Variants in C15orf39 observed in about 807,000 individuals in gnomAD.
C15orf39 encodes uncharacterized protein C15orf39.
C15orf39 carries 24 observed loss-of-function variants against 53.9 expected under a neutral mutation model. The observed-to-expected ratio is 0.45, with a 90% CI of 0.32 to 0.63. C15orf39 has a LOEUF of 0.63. C15orf39 is among the 20% of genes least tolerant of loss of function. The probability of loss-of-function intolerance (pLI) is 0.04; values close to 1 mark genes in which losing one functional copy is unlikely to be tolerated. For synonymous variants in C15orf39, 569 were observed against 576.5 expected (o/e 0.99, Z 0.19); for missense variants, 1,271 against 1,347.9 (o/e 0.94, Z 0.89).
rs774856280 is a variant in C15orf39 at position 75,206,186 on chromosome 15, C to T, written c.138C>T (p.Ser46=). ...GNQDPCTYKG[S]YFSCPMAGTP... Reference sequence around the variant, plus strand: ...AGGATCCCTGCACCTACAAGGGGTCCTACTTCTCCTGCCCCATGGCAGGTA... The same window carrying T: ...AGGATCCCTGCACCTACAAGGGGTCTTACTTCTCCTGCCCCATGGCAGGTA... Residue 46 remains serine (S), a synonymous_variant, in exon 2 of 3, where the codon TCC becomes TCT. Transcript: ENST00000394987. 29 of 1,613,978 alleles carry T rather than the reference C, an allele frequency of 1.8e-5. No homozygotes were observed. The highest frequency in any genetic ancestry group is 2.2e-5 in the Non-Finnish European group (26 of 1,179,964).
At position 75,210,971 on chromosome 15, in the gene C15orf39, C is replaced by T; in HGVS notation, c.2999C>T (p.Pro1000Leu). 1 of 1,613,354 alleles carries T rather than the reference C, an allele frequency of 6.2e-7. No individual in the cohort carries two copies. Among genetic ancestry groups the T allele is most frequent in the East Asian group, 2.2e-5 (1 of 44,884 alleles). The change falls in exon 3 of 3, where the codon CCC becomes CTC. Residue 1000 changes from proline (P) to leucine (L), a missense_variant. Physicochemically the swap from Pro to Leu is moderately conservative, Grantham distance 98. Around this residue, in one of 2 missense-constraint regions of C15orf39, gnomAD observed 277 missense variants for 354.1 expected, o/e 0.78. Coordinates refer to ENST00000394987, the MANE Select transcript of C15orf39 (RefSeq NM_015492.5). The stretch of plus-strand genomic sequence containing the variant: ...GCTACCAGTGCCAGCCCACCTGGCC[C>T]CACACTGAAGGCCCGCTTCCGCAGT... ...TPATSASPPG[P>L]TLKARFRSLL...
At position 75,206,183 on chromosome 15, in the gene C15orf39, G is replaced by A; in HGVS notation, c.135G>A (p.Gly45=). 3.1e-6 allele frequency: 5 copies of A among 1,614,086 alleles called. No individual in the cohort carries two copies. Among genetic ancestry groups the A allele is most frequent in the Non-Finnish European group, 4.2e-6 (5 of 1,179,982 alleles). The part of the protein sequence containing the change: ...VGNQDPCTYK[G]SYFSCPMAGT... ...ACCAGGATCCCTGCACCTACAAGGG[G>A]TCCTACTTCTCCTGCCCCATGGCAG... The change falls in exon 2 of 3, where the codon GGG becomes GGA. Residue 45 remains glycine, a synonymous_variant. Coordinates refer to ENST00000394987, the MANE Select transcript of C15orf39 (RefSeq NM_015492.5).
Position 75,210,760 on chromosome 15 carries a change from A to G in C15orf39, c.2788A>G (p.Thr930Ala). 1 of 1,601,148 alleles carries G rather than the reference A, an allele frequency of 6.2e-7. No individual in the cohort carries two copies. The highest frequency in any genetic ancestry group is 8.5e-7 in the Non-Finnish European group (1 of 1,170,114). The part of the protein sequence containing the change: ...CVRRQLGDFD[T>A]EAGAVSSSEP... The stretch of plus-strand genomic sequence containing the variant: ...TGTTCGTTTTCCAGGTGACTTTGAC[A>G]CTGAGGCTGGAGCTGTGTCCTCCTC... Residue 930 changes from threonine to alanine, a missense_variant, in exon 3 of 3, where the codon ACT becomes GCT. By Grantham distance (58) the Thr-to-Ala change is moderately conservative (BLOSUM62 0). Transcript: ENST00000394987.
Position 75,206,761 on chromosome 15 carries a change from C to A in C15orf39, c.713C>A (p.Ser238Tyr), listed in dbSNP as rs2070441729. Residue 238 changes from serine to tyrosine, a missense_variant, in exon 2 of 3, where the codon TCC becomes TAC. By Grantham distance (144) the Ser-to-Tyr change is moderately radical. Transcript: ENST00000394987. ...TACACAGGTCCTTACCCTAGGAACT[C>A]CAAGCAAGCAATGTCTGAGGGGCCC... is the stretch of plus-strand genomic sequence containing the variant. Reference protein sequence around the residue: ...SRYTGPYPRNSKQAMSEGPSS... With the variant: ...SRYTGPYPRNYKQAMSEGPSS... 1 of 1,612,800 alleles carries A rather than the reference C, an allele frequency of 6.2e-7. No individual in the cohort carries two copies. The highest frequency in any genetic ancestry group is 8.5e-7 in the Non-Finnish European group (1 of 1,179,540).
chr15:75,208,120 T>C lies in C15orf39; in HGVS notation c.2072T>C (p.Leu691Pro). 2 of 1,614,098 alleles carry C rather than the reference T, an allele frequency of 1.2e-6. No individual in the cohort carries two copies. Among genetic ancestry groups the C allele is most frequent in the Admixed American group, 1.7e-5 (1 of 60,026 alleles). The change falls in exon 2 of 3, where the codon CTG becomes CCG. Residue 691 changes from leucine (L) to proline (P), a missense_variant. Around this residue, in one of 2 missense-constraint regions of C15orf39, gnomAD observed 994 missense variants for 993.7 expected, o/e 1.00. Transcript: ENST00000394987. ...APTPTSGPIG[L>P]RILAQQPLSV... ...ACCCCCACATCTGGGCCCATTGGACTGCGGATTCTCGCTCAACAGCCCTTG... is the reference window on the plus strand; with the variant it reads ...ACCCCCACATCTGGGCCCATTGGACCGCGGATTCTCGCTCAACAGCCCTTG...
Position 75,210,835 on chromosome 15 carries a change from A to G in C15orf39, c.2863A>G (p.Lys955Glu). Residue 955 changes from lysine (K) to glutamate (E), a missense_variant, in exon 3 of 3, where the codon AAG becomes GAG. Around this residue, in one of 2 missense-constraint regions of C15orf39, gnomAD observed 277 missense variants for 354.1 expected, o/e 0.78. Coordinates refer to ENST00000394987, the MANE Select transcript of C15orf39 (RefSeq NM_015492.5). Reference protein sequence around the residue: ...GEPESLALAQKSPAPKVRKPG... With the variant: ...GEPESLALAQESPAPKVRKPG... The stretch of plus-strand genomic sequence containing the variant: ...GCCAGAGAGCCTAGCCCTGGCTCAG[A>G]AGTCACCGGCCCCCAAGGTCAGGAA... 6.2e-7 allele frequency: 1 copy of G among 1,613,886 alleles called. No homozygotes were observed. The highest frequency in any genetic ancestry group is 8.5e-7 in the Non-Finnish European group (1 of 1,180,004).
intron 1 of C15orf39, among the ~76,000 whole-genome samples, chr15:75,203,858 A>G (rs1217937282): frequency 2.0e-5 from 3 of 152,170 alleles, no homozygotes; most frequent in Non-Finnish European, 4.4e-5. Flanking sequence ...GTGGAGTGAG[A>G]TGGGGGCTTT....
Position 75,207,627 on chromosome 15 carries a change from C to G in C15orf39, c.1579C>G (p.Pro527Ala). The G allele has an allele frequency of 1.9e-6, 3 of 1,612,260 alleles. No individual in the cohort carries two copies. Among genetic ancestry groups the G allele is most frequent in the Non-Finnish European group, 2.5e-6 (3 of 1,179,702 alleles). Residue 527 changes from proline to alanine, a missense_variant, in exon 2 of 3, where the codon CCT becomes GCT. By Grantham distance (27) the Pro-to-Ala change is conservative. This residue lies in a region of C15orf39 where 994 missense variants were observed against 993.7 expected (regional missense o/e 1.00). Coordinates refer to ENST00000394987, the MANE Select transcript of C15orf39 (RefSeq NM_015492.5). ...GCCGGCACCCGAGGCCACAACTGAG[C>G]CTGACTCTGCCACAGCTGAGCCTGA... ...DVPAPEATTE[P>A]DSATAEPDSA...
At position 75,207,689 on chromosome 15, in the gene C15orf39, C is replaced by T; in HGVS notation, c.1641C>T (p.Gly547=). The T allele has an allele frequency of 6.2e-7, 1 of 1,606,360 alleles. No homozygotes were observed. The highest frequency in any genetic ancestry group is 8.5e-7 in the Non-Finnish European group (1 of 1,175,474). Residue 547 remains glycine (G), a synonymous_variant, in exon 2 of 3, where the codon GGC becomes GGT. Transcript: ENST00000394987. ...CCACCAGTGAAGGTCAGGACAAAGG[C>T]TGCAGGGGGACCCTGCCTGCCCAGG... ...APATSEGQDK[G]CRGTLPAQEG...
chr15:75,203,799 G>A (rs1338429892), intron 1 of C15orf39, among the ~76,000 whole-genome samples: 1 of 151,946 alleles, frequency 6.6e-6, no homozygotes, highest in East Asian at 1.9e-4. Context: ...GGTGGAGGTG[G>A]GGAGGATCCA....
At position 75,208,527 on chromosome 15, in the gene C15orf39, C is replaced by G. The variant is rs149317889; in HGVS notation, c.2479C>G (p.Arg827Gly). ...GCTGTCTCAGCTGCAGCGCTTCGAT[C>G]GCACCCACCGGTGCCCCTTCCCCCA... ...KLLSQLQRFDRTHRCPFPHVV... is the reference protein window; with the variant it reads ...KLLSQLQRFDGTHRCPFPHVV... The change falls in exon 2 of 3, where the codon CGC (arginine) becomes GGC (glycine). Residue 827 changes from arginine to glycine, a missense_variant. This residue lies in a region of C15orf39 where 277 missense variants were observed against 354.1 expected (regional missense o/e 0.78). Coordinates refer to ENST00000394987, the MANE Select transcript of C15orf39 (RefSeq NM_015492.5). The G allele has an allele frequency of 1.9e-6, 3 of 1,577,702 alleles. No homozygotes were observed. Among genetic ancestry groups the G allele is most frequent in the Non-Finnish European group, 2.6e-6 (3 of 1,163,782 alleles).
chr15:75,203,464 G>A lies in C15orf39; in HGVS notation c.-51+1405G>A, dbSNP rs183475501. Among the ~76,000 whole-genome samples, 5 of 152,350 alleles carry A rather than the reference G, an allele frequency of 3.3e-5. No homozygotes were observed. The East Asian group carries it at 7.7e-4, about 23-fold the overall frequency. On this transcript the variant is annotated intron_variant, in intron 1 of 2. Coordinates refer to ENST00000394987, the MANE Select transcript of C15orf39 (RefSeq NM_015492.5). Reference sequence around the variant, plus strand: ...TTTGGCAACTGTCTTGAGTGGAGGAGTCGTCTCCCTTGAGAGAGTGTATCC... The same window carrying A: ...TTTGGCAACTGTCTTGAGTGGAGGAATCGTCTCCCTTGAGAGAGTGTATCC...
In C15orf39 at chr15:75,206,908, C is replaced by T. The variant is rs2070443543; in HGVS notation, c.860C>T (p.Pro287Leu). 6.6e-7 allele frequency: 1 copy of T among 1,519,790 alleles called. No individual in the cohort carries two copies. 94.1% of individuals were successfully genotyped at this position (1,519,790 alleles called of 1,614,324 possible). ...CCTCCACAGGCCCTGCCTTGCCCTC[C>T]AGCCTGTCGCCACCCAGAGAAGCAG... ...PHPPQALPCP[P>L]ACRHPEKQGS... The change falls in exon 2 of 3, where the codon CCA (proline) becomes CTA (leucine). Residue 287 changes from proline (P) to leucine (L), a missense_variant. By Grantham distance (98) the Pro-to-Leu change is moderately conservative (BLOSUM62 -3). This residue lies in a region of C15orf39 where 994 missense variants were observed against 993.7 expected (regional missense o/e 1.00). Transcript: ENST00000394987.
Position 75,207,299 on chromosome 15 carries a change from C to G in C15orf39, c.1251C>G (p.Cys417Trp). The change falls in exon 2 of 3, where the codon TGC becomes TGG. Residue 417 changes from cysteine (C) to tryptophan (W), a missense_variant. Around this residue, in one of 2 missense-constraint regions of C15orf39, gnomAD observed 994 missense variants for 993.7 expected, o/e 1.00. Coordinates refer to ENST00000394987, the MANE Select transcript of C15orf39 (RefSeq NM_015492.5). ...VPQPGAFQRA[C>W]QPLPASQPCS... ...AGCCTGGTGCCTTCCAGAGGGCATG[C>G]CAGCCTTTGCCAGCGAGCCAGCCCT... 1 of 1,613,362 alleles carries G rather than the reference C, an allele frequency of 6.2e-7. No homozygotes were observed. Among genetic ancestry groups the G allele is most frequent in the Non-Finnish European group, 8.5e-7 (1 of 1,179,934 alleles).
Position 75,211,126 on chromosome 15 carries a change from C to T in C15orf39, c.*10C>T, listed in dbSNP as rs755077853. 6.3e-7 allele frequency: 1 copy of T among 1,589,014 alleles called. No individual in the cohort carries two copies. The highest frequency in any genetic ancestry group is 1.7e-5 in the Admixed American group (1 of 59,516). On this transcript the variant is annotated 3_prime_UTR_variant, in exon 3 of 3. Transcript: ENST00000394987. The stretch of plus-strand genomic sequence containing the variant: ...GAGCCATCACCTGTAGCACTGGTTG[C>T]CAGTGCTGTGTGTATAGCAGTCACT...
chr15:75,208,044 G>C lies in C15orf39; in HGVS notation c.1996G>C (p.Val666Leu). ...ILRPAPLPAA[V>L]VPSTPTSAPA... ...CCGTCCGGCACCTTTGCCTGCAGCC[G>C]TGGTCCCGTCCACGCCCACCTCAGC... The change falls in exon 2 of 3, where the codon GTG becomes CTG. Residue 666 changes from valine (V) to leucine (L), a missense_variant. By Grantham distance (32) the Val-to-Leu change is conservative. Coordinates refer to ENST00000394987, the MANE Select transcript of C15orf39 (RefSeq NM_015492.5). 6.2e-7 allele frequency: 1 copy of C among 1,614,086 alleles called. No homozygotes were observed. The highest frequency in any genetic ancestry group is 1.1e-5 in the South Asian group (1 of 91,082).
In C15orf39 at chr15:75,211,481, GGTT is replaced by G. The variant is rs1410740059; in HGVS notation, c.*371_*373del. Reference sequence around the variant, plus strand: ...TGGGACAACGCAACCTACCTCACAGGGTTGTTGTGGGGATGCTGCCTGATACAT... The same window carrying G: ...TGGGACAACGCAACCTACCTCACAGGGTTGTGGGGATGCTGCCTGATACAT... On this transcript the variant is annotated 3_prime_UTR_variant, in exon 3 of 3. Transcript: ENST00000394987. The G allele has an allele frequency of 9.2e-6, 2 of 216,638 alleles. No individual in the cohort carries two copies. Among genetic ancestry groups the G allele is most frequent in the Admixed American group, 5.6e-5 (1 of 17,916 alleles). 13.4% of individuals were successfully genotyped at this position (216,638 alleles called of 1,614,324 possible).
chr15:75,208,839 GC>G lies in C15orf39; in HGVS notation c.2776+19del. ...CCGCCAGCTGGGTGAGCATGGGGCA[GC>G]CCCAGTGGCCACCGGAGCTGTGTGA... On this transcript the variant is annotated intron_variant, in intron 2 of 2. Transcript: ENST00000394987. The G allele has an allele frequency of 6.4e-7, 1 of 1,573,672 alleles. No individual in the cohort carries two copies.
At position 75,211,063 on chromosome 15, in the gene C15orf39, G is replaced by A. The variant is rs1013890712; in HGVS notation, c.3091G>A (p.Asp1031Asn). 18 of 1,604,220 alleles carry A rather than the reference G, an allele frequency of 1.1e-5. No homozygotes were observed. Among genetic ancestry groups the A allele is most frequent in the Non-Finnish European group, 1.4e-5 (17 of 1,179,962 alleles). Residue 1031 changes from aspartate to asparagine, a missense_variant, in exon 3 of 3, where the codon GAC becomes AAC. Asp to Asn is a conservative substitution (Grantham distance 23). Coordinates refer to ENST00000394987, the MANE Select transcript of C15orf39 (RefSeq NM_015492.5). ...PTWGHKSSRP[D>N]QPSPCPQLLD... Reference sequence around the variant, plus strand: ...CTGGGGCCACAAGTCCTCAAGACCAGACCAGCCCTCACCCTGCCCACAGCT... The same window carrying A: ...CTGGGGCCACAAGTCCTCAAGACCAAACCAGCCCTCACCCTGCCCACAGCT...
Sources: allele counts gnomAD v4.1 joint callset (sites outside exome capture counted in the v4.1 genomes callset), GRCh38; gene constraint gnomAD v4.1.1; regional missense constraint gnomAD v4.1.1; transcripts MANE v1.5; gene names NCBI Gene and HGNC (gene_info 2026-07-23, HGNC 2026-07-21).